Variants in MCM2 observed in about 807,000 individuals in gnomAD.
MCM2 encodes the protein minichromosome maintenance complex component 2.
MCM2 carries 49 observed loss-of-function variants against 86.4 expected under a neutral mutation model. That is an observed-to-expected ratio of 0.57 (90% CI 0.45 to 0.72). MCM2 has a LOEUF of 0.72. MCM2 is among the 30% of genes least tolerant of loss of function. The pLI, the probability that MCM2 is intolerant of heterozygous loss-of-function variation, is 0.00. For synonymous variants in MCM2, 475 were observed against 484.6 expected (o/e 0.98, Z 0.26); for missense variants, 1,038 against 1,259.9 (o/e 0.82, Z 2.67).
At position 127,606,599 on chromosome 3, in the gene MCM2, T is replaced by G. The variant is rs1443002734; in HGVS notation, c.894-11T>G. 2 of 1,612,126 alleles carry G rather than the reference T, an allele frequency of 1.2e-6. No homozygotes were observed. Among genetic ancestry groups the G allele is most frequent in the East Asian group, 4.5e-5 (2 of 44,876 alleles). Reference sequence around the variant, plus strand: ...GGCTCACGGCTTCTGATGCACCCTCTGCCTCCGCAGGCAGCTGCATCTGAA... The same window carrying G: ...GGCTCACGGCTTCTGATGCACCCTCGGCCTCCGCAGGCAGCTGCATCTGAA... On this transcript the variant is annotated splice_polypyrimidine_tract_variant and intron_variant, in intron 5 of 15. Coordinates refer to ENST00000265056, the MANE Select transcript of MCM2 (RefSeq NM_004526.4). The surrounding 1 kb of genome is among the most constrained non-coding windows in gnomAD (Gnocchi z 4.2).
At chr3:127,608,321 G>T (rs530675149) in intron 6 of MCM2, 61 bp from the exon 7 acceptor site, 1 of 1,588,342 alleles carries the variant, frequency 6.3e-7, no homozygotes, top group African/African-American at 1.3e-5. Flanking sequence ...TCCTGTTCGG[G>T]GGTCAAGGTT....
At chr3:127,607,593 T>C (rs1303013545) in intron 6 of MCM2, among the ~76,000 whole-genome samples, 2 of 152,322 alleles carry the variant, frequency 1.3e-5, no homozygotes, top group Middle Eastern at 3.4e-3. Flanking sequence ...ACGTCTTTGC[T>C]CACTCTTCCC....
chr3:127,602,805 G>T (rs1576411664), intron 2 of MCM2, among the ~76,000 whole-genome samples: 1 of 152,332 alleles, frequency 6.6e-6, no homozygotes, highest in East Asian at 1.9e-4. Context: ...CAGGACATCA[G>T]GTTGTTGAAG....
Position 127,618,881 on chromosome 3 carries a change from A to G in MCM2, c.2014-146A>G. The G allele has an allele frequency of 1.0e-6, 1 of 960,866 alleles. No individual in the cohort carries two copies. Among genetic ancestry groups the G allele is most frequent in the Non-Finnish European group, 1.5e-6 (1 of 669,850 alleles). The allele number at this position is 960,866 out of a possible 1,614,324, so 59.5% of individuals were successfully genotyped here. Reference sequence around the variant, plus strand: ...ATTGTCTGGTTTGCCACCCACACCCAGAACTGCCTGGCACATGGTCAGTGT... The same window carrying G: ...ATTGTCTGGTTTGCCACCCACACCCGGAACTGCCTGGCACATGGTCAGTGT... On this transcript the variant is annotated intron_variant, in intron 12 of 15. Coordinates refer to ENST00000265056, the MANE Select transcript of MCM2 (RefSeq NM_004526.4). This position sits in a 1 kb window ranked among gnomAD's most constrained non-coding sequence, Gnocchi z 4.0.
chr3:127,618,928 G>C lies in MCM2; in HGVS notation c.2014-99G>C. 2 of 1,332,066 alleles carry C rather than the reference G, an allele frequency of 1.5e-6. No homozygotes were observed. The highest frequency in any genetic ancestry group is 2.0e-6 in the Non-Finnish European group (2 of 999,098). The allele number at this position is 1,332,066 out of a possible 1,614,324, so 82.5% of individuals were successfully genotyped here. ...GTGTAGTCAGTCTTGTTGAAAGAGT[G>C]TCACCCTTGTAGGGCACACTCAGCC... On this transcript the variant is annotated intron_variant, in intron 12 of 15. Transcript: ENST00000265056. This position sits in a 1 kb window ranked among gnomAD's most constrained non-coding sequence, Gnocchi z 4.0.
chr3:127,619,201 A>C lies in MCM2; in HGVS notation c.2188A>C (p.Arg730=). The part of the protein sequence containing the change: ...LKKYIIYAKE[R]VHPKLNQMDQ... ...GAAGTACATCATCTACGCCAAGGAG[A>C]GGGTCCACCCGAAGCTCAACCAGAT... is the stretch of plus-strand genomic sequence containing the variant. Residue 730 remains arginine (R), a synonymous_variant, in exon 13 of 16, where the codon AGG becomes CGG. Coordinates refer to ENST00000265056, the MANE Select transcript of MCM2 (RefSeq NM_004526.4). 4 of 1,614,170 alleles carry C rather than the reference A, an allele frequency of 2.5e-6. No homozygotes were observed. The highest frequency in any genetic ancestry group is 3.4e-6 in the Non-Finnish European group (4 of 1,180,042).
At chr3:127,609,762 C>T (rs1349671080) in intron 8 of MCM2, among the ~76,000 whole-genome samples, 1 of 151,916 alleles carries the variant, frequency 6.6e-6, no homozygotes, top group Non-Finnish European at 1.5e-5. Flanking sequence ...ATCCTGCCCC[C>T]AGAGCACCGT....
intron 9 of MCM2, among the ~76,000 whole-genome samples, 182 bp from the exon 10 acceptor site, chr3:127,616,686 T>C (rs1399854172): frequency 6.6e-6 from 1 of 152,240 alleles, no homozygotes; most frequent in Non-Finnish European, 1.5e-5. Context: ...TGCACCCGTG[T>C]GTGTTTCCCT....
chr3:127,621,502 A>G (rs1278786578), intron 15 of MCM2, among the ~76,000 whole-genome samples, 161 bp from the exon 16 acceptor site: 1 of 152,176 alleles, frequency 6.6e-6, no homozygotes, highest in Non-Finnish European at 1.5e-5. Context: ...CACAGCTTGT[A>G]CAGCAGAGAT....
chr3:127,621,592 G>A, intron 15 of MCM2, 71 bp from the exon 16 acceptor site: 3 of 1,003,376 alleles, frequency 3.0e-6, no homozygotes, highest in Non-Finnish European at 3.1e-6. Context: ...AAAGTGCACT[G>A]TAACTGGGGC....
intron 1 of MCM2, 42 bp from the exon 2 acceptor site, chr3:127,599,276 A>T (rs989060196): frequency 6.4e-7 from 1 of 1,557,034 alleles, no homozygotes; most frequent in Non-Finnish European, 8.9e-7. Context: ...ATCATGCCTC[A>T]CCAGCTTCCT....
At chr3:127,603,890 G>C (rs1206390712) in intron 2 of MCM2, among the ~76,000 whole-genome samples, 1 of 152,108 alleles carries the variant, frequency 6.6e-6, no homozygotes, top group Non-Finnish European at 1.5e-5. Flanking sequence ...TCAATCTCTT[G>C]ACTTCGTGAT....
intron 8 of MCM2, among the ~76,000 whole-genome samples, chr3:127,609,827 A>G (rs1387112250): frequency 7.3e-6 from 1 of 137,056 alleles, no homozygotes; most frequent in Non-Finnish European, 1.5e-5. Context: ...TCTGTTTCTC[A>G]GTCAACTTCC....
At position 127,599,778 on chromosome 3, in the gene MCM2, C is replaced by G. The variant is rs17538419; in HGVS notation, c.236+231C>G. ...TAGACCCTAAGCTGAGGATAAGCCC[C>G]GACTCCATAAGCACCCCAGAGAATG... On this transcript the variant is annotated intron_variant, in intron 2 of 15. Coordinates refer to ENST00000265056, the MANE Select transcript of MCM2 (RefSeq NM_004526.4). 0.04 allele frequency among the ~76,000 whole-genome samples: 6,150 copies of G among 152,206 alleles called. 348 individuals are homozygous for G. Among genetic ancestry groups the G allele is most frequent in the African/African-American group, 0.12 (5,154 of 41,494 alleles).
chr3:127,620,776 C>G lies in MCM2; in HGVS notation c.2344C>G (p.Leu782Val), dbSNP rs751854291. Reference sequence around the variant, plus strand: ...GGCGGAGGCCCACGCGCGCATCCATCTGCGGGACTATGTGATCGAAGACGA... The same window carrying G: ...GGCGGAGGCCCACGCGCGCATCCATGTGCGGGACTATGTGATCGAAGACGA... ...RMAEAHARIHLRDYVIEDDVN... is the reference protein window; with the variant it reads ...RMAEAHARIHVRDYVIEDDVN... The change falls in exon 14 of 16, where the codon CTG becomes GTG. Residue 782 changes from leucine to valine, a missense_variant. Physicochemically the swap from Leu to Val is conservative, Grantham distance 32. Transcript: ENST00000265056. 6.8e-6 allele frequency: 11 copies of G among 1,614,034 alleles called. No homozygotes were observed. In the African/African-American group the frequency reaches 1.2e-4, roughly 18 times the overall value.
chr3:127,616,911 C>T lies in MCM2; in HGVS notation c.1566C>T (p.Cys522=), dbSNP rs551643366. 13 of 1,614,120 alleles carry T rather than the reference C, an allele frequency of 8.1e-6. No homozygotes were observed. Among genetic ancestry groups the T allele is most frequent in the Middle Eastern group, 1.7e-4 (1 of 6,050 alleles). The change falls in exon 10 of 16, where the codon TGC becomes TGT. Residue 522 remains cysteine (C), a synonymous_variant. Coordinates refer to ENST00000265056, the MANE Select transcript of MCM2 (RefSeq NM_004526.4). ...GTGGTGATATCAACGTGCTCTTGTG[C>T]GGAGACCCTGGCACAGCGAAGTCGC... ...KVRGDINVLL[C]GDPGTAKSQF... is the part of the protein sequence containing the mutation.
chr3:127,615,133 G>C (rs2074423947), intron 8 of MCM2, among the ~76,000 whole-genome samples: 1 of 152,198 alleles, frequency 6.6e-6, no homozygotes, highest in South Asian at 2.1e-4. Flanking sequence ...TGCTTTCTGA[G>C]CTTCTTTGTC....
Position 127,619,296 on chromosome 3 carries a change from G to T in MCM2, c.2265+18G>T. On this transcript the variant is annotated intron_variant, in intron 13 of 15. Coordinates refer to ENST00000265056, the MANE Select transcript of MCM2 (RefSeq NM_004526.4). ...AATCTATGGTGAGAGCCCAGGCAGA[G>T]CCGGGAGGTGCTATGCAGAGAAGGA... is the stretch of plus-strand genomic sequence containing the variant. 1 of 1,607,712 alleles carries T rather than the reference G, an allele frequency of 6.2e-7. No homozygotes were observed. Among genetic ancestry groups the T allele is most frequent in the Non-Finnish European group, 8.5e-7 (1 of 1,175,078 alleles).
chr3:127,616,899 C>T lies in MCM2; in HGVS notation c.1554C>T (p.Asn518=), dbSNP rs772649245. The change falls in exon 10 of 16, where the codon AAC becomes AAT. Residue 518 remains asparagine (N), a synonymous_variant. Coordinates refer to ENST00000265056, the MANE Select transcript of MCM2 (RefSeq NM_004526.4). ...AGCACAAGGTACGTGGTGATATCAA[C>T]GTGCTCTTGTGCGGAGACCCTGGCA... ...GGKHKVRGDI[N]VLLCGDPGTA... is the part of the protein sequence containing the mutation. The T allele has an allele frequency of 2.5e-6, 4 of 1,614,036 alleles. No individual in the cohort carries two copies. The highest frequency in any genetic ancestry group is 2.7e-5 in the African/African-American group (2 of 74,950).
Sources: gnomAD v4.1 joint callset for allele counts (sites outside exome capture counted in the v4.1 genomes callset) on GRCh38, gnomAD v4.1.1 for gene constraint, Gnocchi (gnomAD v3.1) non-coding constraint, MANE v1.5 for transcripts, NCBI Gene and HGNC (gene_info 2026-07-23, HGNC 2026-07-21) for gene names.